The following WDR70 variants were observed in gnomAD, a reference collection of about 807,000 sequenced individuals.
The protein encoded by WDR70 is WD repeat-containing protein 70.
In WDR70, 53 loss-of-function variants were observed where a neutral mutation model predicts 88.6. The ratio of observed to expected loss-of-function variants is 0.60; its 90% confidence interval spans 0.48 to 0.75. The LOEUF is 0.75. Among genes scored for constraint, WDR70 ranks in the 30% least tolerant of loss-of-function variants. The probability of loss-of-function intolerance (pLI) is 0.00; values close to 1 mark genes in which losing one functional copy is unlikely to be tolerated. For missense variants in WDR70, 610 were observed against 823.2 expected (o/e 0.74, Z 3.17); for synonymous variants, 280 against 270.0 (o/e 1.04, Z -0.36).
At chr5:37,579,775 A>C (rs1743167634) in intron 9 of WDR70, among the ~76,000 whole-genome samples, 1 of 152,014 alleles carries the variant, frequency 6.6e-6, no homozygotes, top group South Asian at 2.1e-4. Context: ...CCACAATGGA[A>C]TTTTTCTGAT....
intron 17 of WDR70, among the ~76,000 whole-genome samples, chr5:37,750,350 A>G (rs564482950): frequency 4.4e-4 from 67 of 152,180 alleles, no homozygotes; most frequent in Non-Finnish European, 8.4e-4. Context: ...CCTGGGCAAC[A>G]TGAGCAAGAC....
At chr5:37,614,590 T>C (rs1173592101) in intron 10 of WDR70, among the ~76,000 whole-genome samples, 1 of 152,178 alleles carries the variant, frequency 6.6e-6, no homozygotes, top group African/African-American at 2.4e-5. Flanking sequence ...TCCATAAATT[T>C]TATTATAACA....
chr5:37,618,464 G>A (rs1408410741), intron 10 of WDR70, among the ~76,000 whole-genome samples: 1 of 152,114 alleles, frequency 6.6e-6, no homozygotes, highest in African/African-American at 2.4e-5. Context: ...CGCCTCTGGG[G>A]TTCAAGTGAT....
At chr5:37,453,461 C>T (rs1255695630) in intron 7 of WDR70, among the ~76,000 whole-genome samples, 1 of 152,082 alleles carries the variant, frequency 6.6e-6, no homozygotes, top group Admixed American at 6.6e-5. Flanking sequence ...TAAGGCACAG[C>T]TCGCTGATGC....
chr5:37,549,518 T>G (rs1012070844), intron 9 of WDR70, among the ~76,000 whole-genome samples: 8 of 152,210 alleles, frequency 5.3e-5, no homozygotes, highest in Non-Finnish European at 1.2e-4. Flanking sequence ...TGTTTATCAG[T>G]TCTCATAGTT....
At chr5:37,558,437 G>A (rs774481870) in intron 9 of WDR70, among the ~76,000 whole-genome samples, 1 of 151,910 alleles carries the variant, frequency 6.6e-6, no homozygotes, top group Non-Finnish European at 1.5e-5. Flanking sequence ...TCCCACTTGG[G>A]CCTCTCAGGT....
At chr5:37,504,238 TTGA>T (rs1459727452) in intron 8 of WDR70, among the ~76,000 whole-genome samples, 1 of 151,588 alleles carries the variant, frequency 6.6e-6, no homozygotes, top group African/African-American at 2.4e-5. Context: ...ATATCAATAG[TTGA>T]TGATATTTGA....
At chr5:37,524,050 C>A (rs1741181317) in intron 9 of WDR70, among the ~76,000 whole-genome samples, 1 of 152,178 alleles carries the variant, frequency 6.6e-6, no homozygotes, top group African/African-American at 2.4e-5. Context: ...AGTTGGAAAA[C>A]ACTCTGCAGG....
intron 9 of WDR70, among the ~76,000 whole-genome samples, chr5:37,525,416 G>A (rs1741235477): frequency 6.6e-6 from 1 of 152,188 alleles, no homozygotes; most frequent in South Asian, 2.1e-4. Context: ...AAATAAAGAT[G>A]TTCTTTGAAA....
intron 10 of WDR70, among the ~76,000 whole-genome samples, chr5:37,658,511 C>A (rs1367141932): frequency 1.3e-5 from 2 of 152,094 alleles, no homozygotes; most frequent in Non-Finnish European, 2.9e-5. Context: ...TCTTTCCTTG[C>A]CTGGCAACCT....
chr5:37,554,228 G>C (rs1261455008), intron 9 of WDR70, among the ~76,000 whole-genome samples: 1 of 151,638 alleles, frequency 6.6e-6, no homozygotes, highest in Non-Finnish European at 1.5e-5. Context: ...GCCTGTCTCT[G>C]CTAGGTCTTG....
intron 8 of WDR70, among the ~76,000 whole-genome samples, chr5:37,515,043 C>T (rs929605055): frequency 8.0e-5 from 12 of 149,454 alleles, no homozygotes; most frequent in African/African-American, 2.9e-4. Flanking sequence ...AAAGAAAAAG[C>T]AGAGAGACTA....
intron 10 of WDR70, among the ~76,000 whole-genome samples, chr5:37,630,890 C>A (rs1033743199): frequency 6.6e-6 from 1 of 152,158 alleles, no homozygotes; most frequent in Non-Finnish European, 1.5e-5. Context: ...TAATCTGGAG[C>A]AGTGAAACTG....
chr5:37,487,627 A>ATATTTTTTTTTTTTTTTTT (rs1317924512), intron 8 of WDR70, among the ~76,000 whole-genome samples: 2 of 69,068 alleles, frequency 2.9e-5, no homozygotes, highest in African/African-American at 1.0e-4. Context: ...ATATATATGT[A>ATATTTTTTTTTTTTTTTTT]TTTTTTTTTT....
In WDR70 at chr5:37,394,406, TATTA is replaced by T. The variant is rs527961487; in HGVS notation, c.297-1968_297-1965del. ...ATATAAATTTGTTTAGTCATTCAAC[TATTA>T]CTTACTGAGCATCTACTGTGGATTA... On this transcript the variant is annotated intron_variant, in intron 4 of 17. Transcript: ENST00000265107. 4.0e-4 allele frequency among the ~76,000 whole-genome samples: 61 copies of T among 152,292 alleles called. 1 individual carries two copies. The South Asian group carries it at 0.012, about 31-fold the overall frequency.
At position 37,690,431 on chromosome 5, in the gene WDR70, A is replaced by G. The variant is rs1004815921; in HGVS notation, c.1093-7224A>G. Among the ~76,000 whole-genome samples, 9 of 152,234 alleles carry G rather than the reference A, an allele frequency of 5.9e-5. No individual in the cohort carries two copies. The East Asian group carries it at 1.7e-3, about 29-fold the overall frequency. ...GTCAGATTCACCAAGCTTGAAATGA[A>G]GGAAAAAATGTTAAGGGCAGCAAGA... On this transcript the variant is annotated intron_variant, in intron 10 of 17. Transcript: ENST00000265107.
chr5:37,573,297 T>C (rs1742961215), intron 9 of WDR70, among the ~76,000 whole-genome samples: 1 of 152,186 alleles, frequency 6.6e-6, no homozygotes, highest in Admixed American at 6.5e-5. Flanking sequence ...AATCAACTTA[T>C]TAATATCCGT....
intron 9 of WDR70, among the ~76,000 whole-genome samples, chr5:37,578,703 G>GGCACA (rs1743127602): frequency 6.6e-6 from 1 of 152,178 alleles, no homozygotes; most frequent in Non-Finnish European, 1.5e-5. Context: ...CAACTAATTA[G>GGCACA]ACTCTGTTCT....
intron 3 of WDR70, among the ~76,000 whole-genome samples, chr5:37,382,725 A>G (rs1368738444): frequency 6.6e-6 from 1 of 151,570 alleles, no homozygotes. Context: ...TTTAAGACCA[A>G]CAATGGGCCA....
Sources: gnomAD v4.1 joint callset for allele counts (sites outside exome capture counted in the v4.1 genomes callset) on GRCh38, gnomAD v4.1.1 for gene constraint, MANE v1.5 for transcripts, NCBI Gene and HGNC (gene_info 2026-07-23, HGNC 2026-07-21) for gene names.